The following CSGALNACT1 variants were observed in gnomAD, a reference collection of about 807,000 sequenced individuals.
CSGALNACT1 encodes the protein beta4GalNAcT-1.
CSGALNACT1 carries 52 observed loss-of-function variants against 51.0 expected under a neutral mutation model. The observed-to-expected ratio is 1.02, with a 90% CI of 0.82 to 1.29. The LOEUF (loss-of-function observed/expected upper bound fraction) is 1.29. CSGALNACT1 is among the 50% of genes most tolerant of loss of function. CSGALNACT1 has a pLI of 0.00. For synonymous variants in CSGALNACT1, 341 were observed against 254.4 expected (o/e 1.34, Z -3.24); for missense variants, 935 against 679.2 (o/e 1.38, Z -4.19).
In CSGALNACT1 at chr8:19,681,640, C is replaced by T. The variant is rs187991390; in HGVS notation, c.-544+833G>A. 1.9e-3 allele frequency among the ~76,000 whole-genome samples: 292 copies of T among 152,324 alleles called. 2 individuals are homozygous for T. The highest frequency in any genetic ancestry group is 6.6e-3 in the African/African-American group (274 of 41,570). On this transcript the variant is annotated intron_variant, in intron 1 of 9. Transcript: ENST00000332246. ...AATTTGGTACGTCCAAGGGTTCCTA[C>T]GCTTGAAGTGCCTGACCTCGGCACT...
intron 3 of CSGALNACT1, among the ~76,000 whole-genome samples, chr8:19,539,255 T>C (rs2084507358): frequency 6.6e-6 from 1 of 152,196 alleles, no homozygotes; most frequent in South Asian, 2.1e-4. Context: ...TCATCAACTG[T>C]AGTCCTCATA....
At chr8:19,666,817 GAGAGAGAGAGAGAGAGAAAGAA>G (rs1564383344) in intron 1 of CSGALNACT1, among the ~76,000 whole-genome samples, 2 of 35,396 alleles carry the variant, frequency 5.7e-5, no homozygotes, top group Non-Finnish European at 1.1e-4. Context: ...GAAAGAGAGA[GAGAGAGAGAGAGAGAGAAAGAA>G]AGAAAGAAAG....
intron 1 of CSGALNACT1, among the ~76,000 whole-genome samples, chr8:19,718,731 C>G (rs2154238235): frequency 2.0e-5 from 3 of 152,254 alleles, no homozygotes; most frequent in Admixed American, 2.0e-4. Flanking sequence ...ACCCAAATTG[C>G]CTCCCATGCC....
Position 19,525,698 on chromosome 8 carries a change from G to C in CSGALNACT1, c.-296-19568C>G, listed in dbSNP as rs566983426. 3.0e-5 allele frequency among the ~76,000 whole-genome samples: 4 copies of C among 134,874 alleles called. No homozygotes were observed. In the East Asian group the frequency reaches 8.7e-4, roughly 29 times the overall value. The allele number at this position is 134,874 out of a possible 152,430, so 88.5% of individuals were successfully genotyped here. A position where few individuals can be genotyped will look rare whatever the true frequency, so the allele number is the denominator to read the frequency against. On this transcript the variant is annotated intron_variant, in intron 3 of 9. Transcript: ENST00000454498. ...GCACAAAGCTGGAATAAATGACCTA[G>C]AGAAAAGTTGCCAAGTGACAACAGA... is the stretch of plus-strand genomic sequence containing the variant.
intron 1 of CSGALNACT1, among the ~76,000 whole-genome samples, chr8:19,673,099 T>G (rs576938389): frequency 1.3e-5 from 2 of 152,316 alleles, no homozygotes; most frequent in Admixed American, 1.3e-4. Context: ...AATGTCGTCT[T>G]ACACACACCA....
At chr8:19,516,852 G>T (rs1167746840) in intron 3 of CSGALNACT1, among the ~76,000 whole-genome samples, 3 of 152,190 alleles carry the variant, frequency 2.0e-5, no homozygotes, top group Non-Finnish European at 4.4e-5. Context: ...GGATCGAGGT[G>T]AACACAGCGG....
At chr8:19,487,165 T>C (rs1028118835) in intron 4 of CSGALNACT1, among the ~76,000 whole-genome samples, 8 of 152,204 alleles carry the variant, frequency 5.3e-5, no homozygotes, top group African/African-American at 1.2e-4. Context: ...CCCCAAAAGC[T>C]TTTGCTTTAA....
chr8:19,543,941 G>A (rs114305680), intron 3 of CSGALNACT1, among the ~76,000 whole-genome samples: 3 of 152,098 alleles, frequency 2.0e-5, no homozygotes, highest in African/African-American at 7.2e-5. Context: ...AGGAAAAGAC[G>A]GTGCCAGTAT....
chr8:19,477,091 C>T (rs2069897609), intron 4 of CSGALNACT1, among the ~76,000 whole-genome samples: 3 of 152,214 alleles, frequency 2.0e-5, no homozygotes. Context: ...TCATTACTGG[C>T]AGGCAGAAGT....
intron 1 of CSGALNACT1, among the ~76,000 whole-genome samples, chr8:19,725,918 A>G (rs1260927099): frequency 1.3e-5 from 2 of 152,212 alleles, no homozygotes; most frequent in South Asian, 2.1e-4. Context: ...CCCAAAGTCC[A>G]TAATTCAGGC....
chr8:19,602,417 G>C (rs958676002), exon 1 of CSGALNACT1: 1 of 152,662 alleles, frequency 6.6e-6, no homozygotes, highest in Non-Finnish European at 1.5e-5. Context: ...AAAACGGTGG[G>C]AGCAGGGAGG....
chr8:19,430,378 T>C (rs900048374), intron 6 of CSGALNACT1, among the ~76,000 whole-genome samples: 1 of 152,186 alleles, frequency 6.6e-6, no homozygotes, highest in Admixed American at 6.5e-5. Context: ...TTTGTATATA[T>C]AGTGGATGTA....
chr8:19,639,456 G>A (rs958927516), intron 1 of CSGALNACT1, among the ~76,000 whole-genome samples: 2 of 152,192 alleles, frequency 1.3e-5, no homozygotes, highest in East Asian at 3.9e-4. Flanking sequence ...AGAAGCCAAA[G>A]AGTTGCTAAA....
intron 5 of CSGALNACT1, among the ~76,000 whole-genome samples, chr8:19,456,525 T>A (rs2064135248): frequency 6.6e-6 from 1 of 152,236 alleles, no homozygotes; most frequent in Non-Finnish European, 1.5e-5. Context: ...CGCCGCAGGT[T>A]CAGTCATTCT....
At chr8:19,692,039 G>A (rs2061352732) in intron 1 of CSGALNACT1, among the ~76,000 whole-genome samples, 1 of 139,060 alleles carries the variant, frequency 7.2e-6, no homozygotes, top group Non-Finnish European at 1.5e-5. Context: ...TCTTCGCAAA[G>A]TAGCAGAAGA....
At chr8:19,666,853 GA>G (rs1350192160) in intron 1 of CSGALNACT1, among the ~76,000 whole-genome samples, 1 of 112,512 alleles carries the variant, frequency 8.9e-6, no homozygotes, top group Non-Finnish European at 1.7e-5. Flanking sequence ...AAGAAAGAAA[GA>G]AAGAAAGAAA....
At chr8:19,661,279 G>C (rs571516679) in intron 1 of CSGALNACT1, among the ~76,000 whole-genome samples, 8 of 152,254 alleles carry the variant, frequency 5.3e-5, no homozygotes. Context: ...CTCCAGCCTT[G>C]CAATGGCCTG....
At chr8:19,427,991 T>C (rs1238923478) in intron 6 of CSGALNACT1, among the ~76,000 whole-genome samples, 1 of 152,052 alleles carries the variant, frequency 6.6e-6, no homozygotes. Flanking sequence ...ATAAAGAACC[T>C]GGGCAGAGGC....
At chr8:19,730,918 C>T (rs1307254445) in intron 1 of CSGALNACT1, among the ~76,000 whole-genome samples, 1 of 152,182 alleles carries the variant, frequency 6.6e-6, no homozygotes, top group Non-Finnish European at 1.5e-5. Flanking sequence ...AATGCGTCCT[C>T]CTGCATTCTT....
Sources: allele counts gnomAD v4.1 joint callset (sites outside exome capture counted in the v4.1 genomes callset), GRCh38; gene constraint gnomAD v4.1.1; transcripts MANE v1.5; gene names NCBI Gene and HGNC (gene_info 2026-07-23, HGNC 2026-07-21).